NALF1: variants seen among roughly 807,000 people sequenced by gnomAD.
NALF1 encodes the protein family with sequence similarity 155 member A.
In NALF1, 3 loss-of-function variants were observed where a neutral mutation model predicts 48.4. That is an observed-to-expected ratio of 0.06 (90% confidence interval 0.03 to 0.16). The LOEUF (loss-of-function observed/expected upper bound fraction) is 0.16, where lower values mean the gene tolerates loss of function less well. Ranked by LOEUF, NALF1 falls within the 10% of genes least tolerant of loss-of-function variation. The pLI is 1.00. For missense variants in NALF1, 526 were observed against 571.5 expected, an observed-to-expected ratio of 0.92 and a Z score of 0.81; for synonymous variants, 262 against 245.7, an observed-to-expected ratio of 1.07 and a Z score of -0.62.
At chr13:107,220,628 GTTAAAAATTTCATCATAAGACATT>G (rs1879972384) in intron 1 of NALF1, among the ~76,000 whole-genome samples, 1 of 152,180 alleles carries the variant, frequency 6.6e-6, no homozygotes, top group African/African-American at 2.4e-5. Context: ...TGTAGGGCAG[GTTAAAAATTTCATCATAAGACATT>G]TTCCCTGGCA....
chr13:107,626,689 G>A (rs890428044), intron 1 of NALF1, among the ~76,000 whole-genome samples: 3 of 152,046 alleles, frequency 2.0e-5, no homozygotes, highest in South Asian at 2.1e-4. Context: ...AGCACAGAAA[G>A]ACAAATATCA....
At chr13:107,573,276 A>T (rs1811790069) in intron 1 of NALF1, among the ~76,000 whole-genome samples, 1 of 152,016 alleles carries the variant, frequency 6.6e-6, no homozygotes, top group African/African-American at 2.4e-5. Flanking sequence ...TATTTATCTA[A>T]TTTTTTTATC....
intron 1 of NALF1, among the ~76,000 whole-genome samples, chr13:107,346,087 A>G (rs2138939876): frequency 6.6e-6 from 1 of 152,318 alleles, no homozygotes; most frequent in South Asian, 2.1e-4. Context: ...TAGGATGGGC[A>G]GCATAACACA....
chr13:107,424,215 G>A (rs1235034560), intron 1 of NALF1, among the ~76,000 whole-genome samples: 1 of 152,150 alleles, frequency 6.6e-6, no homozygotes, highest in East Asian at 1.9e-4. Flanking sequence ...TCAGTTCACT[G>A]CAATCTCCAC....
At chr13:107,201,564 G>A (rs1004008383) in intron 2 of NALF1, among the ~76,000 whole-genome samples, 15 of 151,798 alleles carry the variant, frequency 9.9e-5, no homozygotes, top group African/African-American at 2.7e-4. Context: ...GTGACAGAGC[G>A]AAATTCTGTC....
chr13:107,480,647 C>T (rs1419224473), intron 1 of NALF1, among the ~76,000 whole-genome samples: 1 of 152,120 alleles, frequency 6.6e-6, no homozygotes, highest in Non-Finnish European at 1.5e-5. Flanking sequence ...TGTGTTGGGC[C>T]TCATTCAAAT....
At chr13:107,196,815 T>C (rs1211134418) in intron 2 of NALF1, among the ~76,000 whole-genome samples, 1 of 152,058 alleles carries the variant, frequency 6.6e-6, no homozygotes, top group Non-Finnish European at 1.5e-5. Context: ...TTTTGTTAAA[T>C]GAGTAAATTA....
chr13:107,480,675 C>A (rs1192455566), intron 1 of NALF1, among the ~76,000 whole-genome samples: 1 of 152,116 alleles, frequency 6.6e-6, no homozygotes, highest in Admixed American at 6.6e-5. Flanking sequence ...GGGATACATG[C>A]GGCCCACGGG....
At chr13:107,698,124 A>G (rs538741203) in intron 1 of NALF1, among the ~76,000 whole-genome samples, 1 of 152,298 alleles carries the variant, frequency 6.6e-6, no homozygotes, top group South Asian at 2.1e-4. Context: ...TTTTACTGAT[A>G]GCAATTACTT....
chr13:107,739,999 T>G (rs1447804906), intron 1 of NALF1, among the ~76,000 whole-genome samples: 2 of 152,106 alleles, frequency 1.3e-5, no homozygotes, highest in African/African-American at 4.8e-5. Context: ...GATTCTACAT[T>G]ATGGTGAGAT....
intron 1 of NALF1, among the ~76,000 whole-genome samples, chr13:107,704,324 GTTCT>G (rs1402322917): frequency 6.6e-6 from 1 of 152,022 alleles, no homozygotes; most frequent in Non-Finnish European, 1.5e-5. Flanking sequence ...GTTTTCTTTT[GTTCT>G]TTCTTTTTGA....
At chr13:107,339,430 C>T (rs936030296) in intron 1 of NALF1, among the ~76,000 whole-genome samples, 1 of 151,960 alleles carries the variant, frequency 6.6e-6, no homozygotes, top group Non-Finnish European at 1.5e-5. Flanking sequence ...AATATAGCTC[C>T]TCCCACCTTC....
intron 1 of NALF1, among the ~76,000 whole-genome samples, chr13:107,367,643 C>T (rs1363031623): frequency 6.6e-6 from 1 of 152,190 alleles, no homozygotes; most frequent in Non-Finnish European, 1.5e-5. Context: ...CCGCAGATTT[C>T]CCTGACACTT....
At chr13:107,658,105 G>T (rs1566432953) in intron 1 of NALF1, among the ~76,000 whole-genome samples, 1 of 152,098 alleles carries the variant, frequency 6.6e-6, no homozygotes, top group African/African-American at 2.4e-5. Flanking sequence ...TCAGCTACTT[G>T]TAAGACTTGA....
At chr13:107,174,936 T>G (rs969927668) in intron 2 of NALF1, among the ~76,000 whole-genome samples, 4 of 150,876 alleles carry the variant, frequency 2.7e-5, no homozygotes, top group Admixed American at 1.3e-4. Context: ...CAGGCTGGAG[T>G]GCAGCGGCGC....
intron 1 of NALF1, among the ~76,000 whole-genome samples, chr13:107,578,944 G>A (rs1878226080): frequency 6.6e-6 from 1 of 152,116 alleles, no homozygotes; most frequent in Non-Finnish European, 1.5e-5. Flanking sequence ...CCATGTATAA[G>A]CCATCAGCAA....
chr13:107,605,903 T>C (rs1032265750), intron 1 of NALF1, among the ~76,000 whole-genome samples: 4 of 152,178 alleles, frequency 2.6e-5, no homozygotes, highest in Admixed American at 2.6e-4. Flanking sequence ...AGTTAATTCA[T>C]TCCAAAAACA....
intron 1 of NALF1, among the ~76,000 whole-genome samples, chr13:107,705,513 T>C (rs145293755): frequency 0.012 from 2 of 166 alleles, no homozygotes; most frequent in East Asian, 0.5. Context: ...ATTTTATACA[T>C]ATATATATAT....
At chr13:107,628,662 T>C (rs1879750540) in intron 1 of NALF1, among the ~76,000 whole-genome samples, 1 of 152,132 alleles carries the variant, frequency 6.6e-6, no homozygotes, top group African/African-American at 2.4e-5. Context: ...CAAATCTTAC[T>C]AAAAACAAAA....
Sources: allele counts gnomAD v4.1 joint callset (sites outside exome capture counted in the v4.1 genomes callset), GRCh38; gene constraint gnomAD v4.1.1; transcripts MANE v1.5; gene names NCBI Gene and HGNC (gene_info 2026-07-23, HGNC 2026-07-21).